MICALL1: variants seen among roughly 807,000 people sequenced by gnomAD.
MICALL1 encodes MICAL-like protein 1.
Under a neutral mutation model 83.7 loss-of-function variants are expected in MICALL1, and 61 were observed. The observed-to-expected ratio is 0.73, with a 90% CI of 0.59 to 0.90. The LOEUF (loss-of-function observed/expected upper bound fraction) is 0.90. Ranked by LOEUF, MICALL1 falls within the 40% of genes least tolerant of loss-of-function variation. The pLI is 0.00. For missense variants in MICALL1, 1,066 were observed against 1,152.0 expected, an observed-to-expected ratio of 0.93 and a Z score of 1.08; for synonymous variants, 481 against 473.6, an observed-to-expected ratio of 1.02 and a Z score of -0.20.
rs140312542 is a variant in MICALL1 at position 37,927,743 on chromosome 22, G to A, written c.1798G>A (p.Ala600Thr). The change falls in exon 9 of 16, where the codon GCC becomes ACC. Residue 600 changes from alanine (A) to threonine (T), a missense_variant. Transcript: ENST00000215957. ...GPQPAKPCSG[A>T]TPTPLLLVGD... The stretch of plus-strand genomic sequence containing the variant: ...CCAGCCAGCCAAGCCCTGCAGTGGC[G>A]CCACCCCAACGCCTCTCTTGTTGGT... The A allele has an allele frequency of 2.4e-5, 38 of 1,613,646 alleles. No individual in the cohort carries two copies. Among genetic ancestry groups the A allele is most frequent in the East Asian group, 1.1e-4 (5 of 44,870 alleles).
chr22:37,906,518 G>C lies in MICALL1; in HGVS notation c.96G>C (p.Arg32=), dbSNP rs757436932. 40 of 1,248,824 alleles carry C rather than the reference G, an allele frequency of 3.2e-5. No homozygotes were observed. The South Asian group carries it at 9.0e-4, about 28-fold the overall frequency. 77.4% of individuals were successfully genotyped at this position (1,248,824 alleles called of 1,614,324 possible). ...TCCGCGACCTGAGCAGCTCCTTCCG[G>C]GACGGCCTGGCCTTCTGCGCCATCC... ...VEIRDLSSSF[R]DGLAFCAILH... The change falls in exon 1 of 16, where the codon CGG becomes CGC. Residue 32 remains arginine (R), a synonymous_variant. Transcript: ENST00000215957. The surrounding 1 kb of genome is among the most constrained non-coding windows in gnomAD (Gnocchi z 4.4).
At chr22:37,929,403 T>C (rs773301021) in intron 9 of MICALL1, among the ~76,000 whole-genome samples, 3 of 152,136 alleles carry the variant, frequency 2.0e-5, no homozygotes, top group Non-Finnish European at 2.9e-5. Flanking sequence ...TACATGCTGC[T>C]GTGTGTGGAG....
Position 37,942,512 on chromosome 22 carries a change from T to TG in MICALL1, c.*1682_*1683insG, listed in dbSNP as rs1186443074. The TG allele has an allele frequency of 6.6e-6, 1 of 151,888 alleles. No homozygotes were observed. 9.4% of individuals were successfully genotyped at this position (151,888 alleles called of 1,614,324 possible). ...GAAAGCTAGCCTGAATTTTTTTTTT[T>TG]TTTTTTTGAGACAGAGTCTCGCTCT... is the stretch of plus-strand genomic sequence containing the variant. On this transcript the variant is annotated 3_prime_UTR_variant, in exon 16 of 16. Transcript: ENST00000215957.
Position 37,922,086 on chromosome 22 carries a change from G to A in MICALL1, c.684G>A (p.Gly228=). 3.7e-6 allele frequency: 6 copies of A among 1,613,418 alleles called. No homozygotes were observed. Among genetic ancestry groups the A allele is most frequent in the South Asian group, 1.1e-5 (1 of 91,088 alleles). ...GGCTGGGCCCGGGGACACGGTCGGGGACCAGGCCTGGGCCCTTCTCACAGC... is the reference window on the plus strand; with the variant it reads ...GGCTGGGCCCGGGGACACGGTCGGGAACCAGGCCTGGGCCCTTCTCACAGC... ...CARLGPGTRS[G]TRPGPFSQPK... Residue 228 remains glycine (G), a synonymous_variant, in exon 6 of 16, where the codon GGG becomes GGA. Transcript: ENST00000215957.
At position 37,937,130 on chromosome 22, in the gene MICALL1, G is replaced by A. The variant is rs766837911; in HGVS notation, c.2359G>A (p.Glu787Lys). The A allele has an allele frequency of 1.3e-6, 2 of 1,551,638 alleles. No homozygotes were observed. Among genetic ancestry groups the A allele is most frequent in the South Asian group, 2.4e-5 (2 of 84,060 alleles). ...DRAREKVLMQ[E>K]LVTLIEQRNA... ...GGCCCGGGAGAAGGTGCTGATGCAG[G>A]AGCTTGTGACCCTCATTGAGCAGCG... Residue 787 changes from glutamate to lysine, a missense_variant, in exon 14 of 16, where the codon GAG becomes AAG. By Grantham distance (56) the Glu-to-Lys change is moderately conservative. Coordinates refer to ENST00000215957, the MANE Select transcript of MICALL1 (RefSeq NM_033386.4).
In MICALL1 at chr22:37,917,738, A is replaced by T. The variant is rs1293589711; in HGVS notation, c.369A>T (p.Ala123=). 16 of 1,613,488 alleles carry T rather than the reference A, an allele frequency of 9.9e-6. No homozygotes were observed. The highest frequency in any genetic ancestry group is 1.3e-5 in the Non-Finnish European group (15 of 1,179,840). ...TCTCGCCACCCAGAAAGGGCCTTGC[A>T]CCCTGTTCCCCGCCGTCTGTAGCAC... ...AGVSPPRKGL[A]PCSPPSVAPT... Residue 123 remains alanine, a synonymous_variant, in exon 4 of 16, where the codon GCA becomes GCT. Transcript: ENST00000215957.
In MICALL1 at chr22:37,930,282, C is replaced by A. The variant is rs1601829039; in HGVS notation, c.1882-1517C>A. 6.6e-6 allele frequency among the ~76,000 whole-genome samples: 1 copy of A among 152,274 alleles called. No individual in the cohort carries two copies. The highest frequency in any genetic ancestry group is 2.4e-5 in the African/African-American group (1 of 41,562). On this transcript the variant is annotated intron_variant, in intron 9 of 15. Transcript: ENST00000215957. The surrounding 1 kb of genome is among the most constrained non-coding windows in gnomAD (Gnocchi z 4.8). The stretch of plus-strand genomic sequence containing the variant: ...ACTTGCTTGTGGGGAACCCCTGTCC[C>A]ACTGTCACCCCAGGATTAGGGGAGA...
At chr22:37,939,842 A>C (rs1930338449) in intron 15 of MICALL1, among the ~76,000 whole-genome samples, 1 of 150,866 alleles carries the variant, frequency 6.6e-6, no homozygotes, top group Non-Finnish European at 1.5e-5. Context: ...TAATCCCAGC[A>C]CTTTAGGAGG....
At chr22:37,909,861 A>G (rs5750509) in intron 1 of MICALL1, among the ~76,000 whole-genome samples, 150,931 of 152,320 alleles carry the variant, frequency 0.99, 74,780 homozygotes, top group Middle Eastern at 1. Context: ...CTCCGTGAGA[A>G]TAGGAGTGGC....
chr22:37,919,550 C>T (rs922175436), intron 5 of MICALL1, among the ~76,000 whole-genome samples: 5 of 148,932 alleles, frequency 3.4e-5, no homozygotes, highest in African/African-American at 9.9e-5. Context: ...GCAGGAGAAT[C>T]GCTCAAACCC....
chr22:37,926,322 C>T (rs562641805), intron 8 of MICALL1, among the ~76,000 whole-genome samples: 6 of 152,318 alleles, frequency 3.9e-5, no homozygotes, highest in Admixed American at 3.3e-4. Context: ...TGGCCCGAGT[C>T]CATCTCTTCA....
intron 1 of MICALL1, among the ~76,000 whole-genome samples, chr22:37,909,427 C>G (rs553376552): frequency 8.9e-4 from 134 of 151,026 alleles, no homozygotes; most frequent in African/African-American, 3.0e-3. Context: ...GGCATGATCT[C>G]TGCTCACTGC....
At chr22:37,917,683 G>C in intron 3 of MICALL1, 24 bp from the exon 4 acceptor site, 1 of 1,611,350 alleles carries the variant, frequency 6.2e-7, no homozygotes, top group Non-Finnish European at 8.5e-7. Flanking sequence ...CCTGCTTCAG[G>C]ACCCCTTTCT....
At chr22:37,917,648 A>G in intron 3 of MICALL1, 59 bp from the exon 4 acceptor site, 9 of 1,522,450 alleles carry the variant, frequency 5.9e-6, no homozygotes, top group Non-Finnish European at 6.4e-6. Context: ...CCAGGTTGGG[A>G]CCTCCTGGGA....
intron 13 of MICALL1, among the ~76,000 whole-genome samples, chr22:37,933,478 G>T (rs1929915360): frequency 6.6e-6 from 1 of 152,154 alleles, no homozygotes; most frequent in Non-Finnish European, 1.5e-5. Flanking sequence ...GTGTGACCTT[G>T]GGCAGGATTC....
At chr22:37,937,900 G>T in intron 15 of MICALL1, 108 bp downstream of exon 15, 1 of 1,406,648 alleles carries the variant, frequency 7.1e-7, no homozygotes, top group Non-Finnish European at 9.9e-7. Context: ...TACCAGGATG[G>T]CTGTGCACAA....
intron 1 of MICALL1, among the ~76,000 whole-genome samples, chr22:37,908,472 T>C (rs1007119171): frequency 6.6e-6 from 1 of 151,996 alleles, no homozygotes. Flanking sequence ...GTCTAATTTG[T>C]TTGTATTTGT....
At chr22:37,919,855 C>T (rs1010257143) in intron 5 of MICALL1, among the ~76,000 whole-genome samples, 5 of 151,454 alleles carry the variant, frequency 3.3e-5, no homozygotes, top group East Asian at 1.9e-4. Flanking sequence ...TGGGTGTGGT[C>T]GTGGGCACCT....
At chr22:37,938,563 C>T (rs1930266574) in intron 15 of MICALL1, among the ~76,000 whole-genome samples, 1 of 150,780 alleles carries the variant, frequency 6.6e-6, no homozygotes, top group African/African-American at 2.4e-5. Flanking sequence ...AAGCAATTCT[C>T]CTGTCTCAGC....
Sources: gnomAD v4.1 joint callset for allele counts (sites outside exome capture counted in the v4.1 genomes callset) on GRCh38, gnomAD v4.1.1 for gene constraint, Gnocchi (gnomAD v3.1) non-coding constraint, MANE v1.5 for transcripts, NCBI Gene and HGNC (gene_info 2026-07-23, HGNC 2026-07-21) for gene names.